The following SVEP1 variants were observed in gnomAD, a reference collection of about 807,000 sequenced individuals.
SVEP1 encodes sushi, von Willebrand factor type A, EGF and pentraxin domain-containing protein 1.
SVEP1 carries 164 observed loss-of-function variants against 367.3 expected under a neutral mutation model. The observed-to-expected ratio is 0.45, with a 90% confidence interval of 0.39 to 0.51. The LOEUF is 0.51. Ranked by LOEUF, SVEP1 falls within the 20% of genes least tolerant of loss-of-function variation. SVEP1 has a pLI of 0.00. For synonymous variants in SVEP1, 1,666 were observed against 1,611.6 expected (o/e 1.03, Z -0.81); for missense variants, 4,117 against 4,425.3 (o/e 0.93, Z 1.98).
chr9:110,513,759 G>C (rs1395269091), intron 4 of SVEP1, among the ~76,000 whole-genome samples, 189 bp downstream of exon 4: 1 of 151,912 alleles, frequency 6.6e-6, no homozygotes, highest in Non-Finnish European at 1.5e-5. Flanking sequence ...CCCTTTCTCT[G>C]GAGCAGGATA....
intron 1 of SVEP1, among the ~76,000 whole-genome samples, chr9:110,573,401 C>CG (rs1830588663): frequency 7.5e-6 from 1 of 132,520 alleles, no homozygotes; most frequent in Admixed American, 9.2e-5. Context: ...TGAATATCTA[C>CG]TAGTGTGGAC....
intron 17 of SVEP1, among the ~76,000 whole-genome samples, chr9:110,467,065 T>G (rs922971302): frequency 2.0e-5 from 3 of 152,264 alleles, no homozygotes; most frequent in Non-Finnish European, 4.4e-5. Context: ...TACGTAGCAC[T>G]GCTCTAGAGT....
Position 110,515,626 on chromosome 9 carries a change from T to A in SVEP1, c.965-1520A>T, listed in dbSNP as rs564525950. On this transcript the variant is annotated intron_variant, in intron 3 of 47. Transcript: ENST00000374469. ...ATGTGGGGATATTTTACATAAATTA[T>A]CTCATTTAATCCTCACAGTATTAAT... is the stretch of plus-strand genomic sequence containing the variant. 4.6e-5 allele frequency among the ~76,000 whole-genome samples: 7 copies of A among 152,272 alleles called. No individual in the cohort carries two copies. The East Asian group carries it at 1.4e-3, about 29-fold the overall frequency.
In SVEP1 at chr9:110,503,099, G is replaced by A. The variant is rs753909024; in HGVS notation, c.1422C>T (p.Gly474=). The A allele has an allele frequency of 1.2e-6, 2 of 1,613,924 alleles. No individual in the cohort carries two copies. The highest frequency in any genetic ancestry group is 1.7e-5 in the Admixed American group (1 of 60,008). ...TTCCTTGACAAGTAAGCTTATCACT[G>A]CCTTCTAGTCTGTACCCTTCATCAC... ...VACDEGYRLE[G]SDKLTCQGNS... The change falls in exon 6 of 48, where the codon GGC becomes GGT. Residue 474 remains glycine, a synonymous_variant. Transcript: ENST00000374469.
chr9:110,408,482 A>G lies in SVEP1; in HGVS notation c.7118T>C (p.Phe2373Ser). 1 of 1,614,002 alleles carries G rather than the reference A, an allele frequency of 6.2e-7. No homozygotes were observed. Among genetic ancestry groups the G allele is most frequent in the African/African-American group, 1.3e-5 (1 of 75,034 alleles). ...ACAAAGAACAATCTTACAAACAGGG[A>G]AAGAGTCATTCCATTGCTGGGATGG... Reference protein sequence around the residue: ...CLPSQQWNDSFPVCKIVLCTP... With the variant: ...CLPSQQWNDSSPVCKIVLCTP... Residue 2373 changes from phenylalanine (F) to serine (S), a missense_variant, in exon 38 of 48, where the codon TTC (phenylalanine) becomes TCC (serine). Phe to Ser is a radical substitution (Grantham distance 155). Transcript: ENST00000374469.
At chr9:110,574,743 CTTTTTTT>C (rs1163833465) in intron 1 of SVEP1, among the ~76,000 whole-genome samples, 1 of 84,788 alleles carries the variant, frequency 1.2e-5, no homozygotes, top group Non-Finnish European at 2.4e-5. Context: ...AGTCGACCTT[CTTTTTTT>C]TTTTTTTTTT....
chr9:110,498,288 T>A (rs1829481777), intron 7 of SVEP1, among the ~76,000 whole-genome samples: 1 of 152,232 alleles, frequency 6.6e-6, no homozygotes, highest in Non-Finnish European at 1.5e-5. Flanking sequence ...TAAGCCATTC[T>A]CTAGCTCAGA....
intron 46 of SVEP1, 112 bp downstream of exon 46, chr9:110,375,256 T>A: frequency 1.1e-6 from 1 of 912,296 alleles, no homozygotes; most frequent in Non-Finnish European, 1.6e-6. Flanking sequence ...TTGAGAAACA[T>A]CAGTACTTTT....
intron 37 of SVEP1, among the ~76,000 whole-genome samples, chr9:110,409,797 A>C (rs560557360): frequency 6.6e-6 from 1 of 152,224 alleles, no homozygotes; most frequent in Non-Finnish European, 1.5e-5. Flanking sequence ...AAAACAAAAA[A>C]TTAATATTCG....
At chr9:110,567,061 T>C (rs1830501826) in intron 1 of SVEP1, among the ~76,000 whole-genome samples, 2 of 152,242 alleles carry the variant, frequency 1.3e-5, no homozygotes, top group South Asian at 4.1e-4. Flanking sequence ...CTATTTTGTT[T>C]CAGTTATTTG....
intron 17 of SVEP1, among the ~76,000 whole-genome samples, chr9:110,468,543 A>G (rs1291276680): frequency 1.3e-5 from 2 of 152,328 alleles, no homozygotes; most frequent in East Asian, 3.9e-4. Context: ...AGCAGACTGT[A>G]AAACCCTCAT....
chr9:110,425,125 A>C (rs1443985034), intron 36 of SVEP1, among the ~76,000 whole-genome samples: 2 of 152,182 alleles, frequency 1.3e-5, no homozygotes, highest in Non-Finnish European at 2.9e-5. Flanking sequence ...TTTTCTTCTC[A>C]TCAAGAGTTT....
rs140010065 is a variant in SVEP1 at position 110,530,238 on chromosome 9, C to T, written c.964+15877G>A. ...ATTAAAGTGAATTGTCTTTTTGATG[C>T]GCAGTTGGATTTGATTTGCTGGTAT... On this transcript the variant is annotated intron_variant, in intron 3 of 47. Transcript: ENST00000374469. 1.0e-3 allele frequency among the ~76,000 whole-genome samples: 153 copies of T among 152,162 alleles called. 1 individual carries two copies. The East Asian group carries it at 0.013, about 13-fold the overall frequency.
intron 39 of SVEP1, among the ~76,000 whole-genome samples, chr9:110,404,012 T>C (rs577348838): frequency 8.5e-5 from 13 of 152,288 alleles, no homozygotes; most frequent in Middle Eastern, 3.4e-3. Flanking sequence ...TGGAAACATA[T>C]TGGGCATAGC....
intron 9 of SVEP1, among the ~76,000 whole-genome samples, chr9:110,486,563 C>T (rs1000701960): frequency 6.6e-6 from 1 of 151,818 alleles, no homozygotes; most frequent in Non-Finnish European, 1.5e-5. Context: ...CTGTCTGTCT[C>T]TCTCACTCCC....
rs766108559 is a variant in SVEP1, at chr9:110,411,143, C to T, written c.6568G>A (p.Gly2190Arg). 7 of 1,613,912 alleles carry T rather than the reference C, an allele frequency of 4.3e-6. No individual in the cohort carries two copies. Among genetic ancestry groups the T allele is most frequent in the Non-Finnish European group, 5.9e-6 (7 of 1,179,866 alleles). The stretch of plus-strand genomic sequence containing the variant: ...GTCGGTATAGGACTACTCCACTGCC[C>T]TGTGGCTTCGCAGGTGCTCTTCTTT... ...GEKKSTCEATGQWSSPIPTCH... is the reference protein window; with the variant it reads ...GEKKSTCEATRQWSSPIPTCH... The change falls in exon 37 of 48, where the codon GGG becomes AGG. Residue 2190 changes from glycine to arginine, a missense_variant. Gly to Arg is a moderately radical substitution (Grantham distance 125). Around this residue, in one of 4 missense-constraint regions of SVEP1, gnomAD observed 1,765 missense variants for 1,781.1 expected, o/e 0.99. Coordinates refer to ENST00000374469, the MANE Select transcript of SVEP1 (RefSeq NM_153366.4).
At chr9:110,441,427 C>T (rs1238056000) in intron 27 of SVEP1, among the ~76,000 whole-genome samples, 1 of 152,194 alleles carries the variant, frequency 6.6e-6, no homozygotes, top group Non-Finnish European at 1.5e-5. Context: ...CATCCTGAGC[C>T]TCCTTCTCTG....
At chr9:110,450,755 G>A (rs550046389) in intron 23 of SVEP1, among the ~76,000 whole-genome samples, 182 of 151,942 alleles carry the variant, frequency 1.2e-3, no homozygotes, top group African/African-American at 4.1e-3. Flanking sequence ...GATTACAGGC[G>A]TGAACCACCA....
At chr9:110,505,412 TC>T (rs1829609286) in intron 5 of SVEP1, among the ~76,000 whole-genome samples, 1 of 152,178 alleles carries the variant, frequency 6.6e-6, no homozygotes, top group Non-Finnish European at 1.5e-5. Flanking sequence ...TCCAAATCTA[TC>T]CCCATAGACC....
Sources: gnomAD v4.1 joint callset for allele counts (sites outside exome capture counted in the v4.1 genomes callset) on GRCh38, gnomAD v4.1.1 for gene constraint, gnomAD v4.1.1 regional missense constraint, MANE v1.5 for transcripts, NCBI Gene and HGNC (gene_info 2026-07-23, HGNC 2026-07-21) for gene names.